The following TMEM178B variants were observed in gnomAD, a reference collection of about 807,000 sequenced individuals.
The protein encoded by TMEM178B is transmembrane protein 178B.
A neutral mutation model predicts 31.0 loss-of-function variants in TMEM178B; 5 were observed. The observed-to-expected ratio is 0.16, with a 90% CI of 0.08 to 0.34. The LOEUF (loss-of-function observed/expected upper bound fraction) is 0.34, where lower values mean the gene tolerates loss of function less well. Ranked by LOEUF, TMEM178B falls within the 10% of genes least tolerant of loss-of-function variation. The pLI is 1.00. For synonymous variants in TMEM178B, 164 were observed against 164.0 expected (o/e 1.00, Z 0.00); for missense variants, 275 against 400.3 (o/e 0.69, Z 2.67).
chr7:141,392,728 G>T (rs1308111910), intron 2 of TMEM178B, among the ~76,000 whole-genome samples: 2 of 151,880 alleles, frequency 1.3e-5, no homozygotes, highest in African/African-American at 4.8e-5. Flanking sequence ...GTAGCTAAAA[G>T]GGAGTCTCTG....
At chr7:141,108,077 G>A (rs1795174097) in intron 1 of TMEM178B, among the ~76,000 whole-genome samples, 1 of 152,178 alleles carries the variant, frequency 6.6e-6, no homozygotes, top group Non-Finnish European at 1.5e-5. Context: ...GAGGTTATTG[G>A]TAGTATTAGC....
rs961158199 is a variant in TMEM178B at position 141,477,364 on chromosome 7, G to A, written c.*6578G>A. ...AGTTTTCTGAGGACTTCTGTGGACGGCCCTAAAATCCTGAGTTAGGGTGGG... is the reference window on the plus strand; with the variant it reads ...AGTTTTCTGAGGACTTCTGTGGACGACCCTAAAATCCTGAGTTAGGGTGGG... On this transcript the variant is annotated 3_prime_UTR_variant, in exon 4 of 4. Transcript: ENST00000565468. 2 of 153,764 alleles carry A rather than the reference G, an allele frequency of 1.3e-5. No homozygotes were observed. The highest frequency in any genetic ancestry group is 4.8e-5 in the African/African-American group (2 of 41,478). The allele number at this position is 153,764 out of a possible 1,614,324, so 9.5% of individuals were successfully genotyped here.
chr7:141,330,473 G>A (rs1799279651), intron 2 of TMEM178B, among the ~76,000 whole-genome samples: 1 of 152,142 alleles, frequency 6.6e-6, no homozygotes, highest in Non-Finnish European at 1.5e-5. Context: ...TTTTATGGCT[G>A]TATAGTATTC....
intron 1 of TMEM178B, among the ~76,000 whole-genome samples, chr7:141,194,039 A>G (rs554239811): frequency 2.2e-4 from 34 of 152,284 alleles, no homozygotes; most frequent in African/African-American, 7.9e-4. Flanking sequence ...CATGGGAAAG[A>G]CCAGACCCCA....
intron 1 of TMEM178B, among the ~76,000 whole-genome samples, chr7:141,205,396 C>T (rs1015453209): frequency 5.9e-5 from 9 of 152,204 alleles, no homozygotes; most frequent in Admixed American, 2.6e-4. Context: ...AATTCTTCCT[C>T]GGCCACCCTG....
At chr7:141,277,523 G>T (rs1798284965) in intron 2 of TMEM178B, among the ~76,000 whole-genome samples, 1 of 152,092 alleles carries the variant, frequency 6.6e-6, no homozygotes, top group African/African-American at 2.4e-5. Flanking sequence ...CCTGCCTGAG[G>T]CTCTTTTACA....
At chr7:141,193,130 G>A (rs1180603790) in intron 1 of TMEM178B, among the ~76,000 whole-genome samples, 3 of 152,104 alleles carry the variant, frequency 2.0e-5, no homozygotes, top group African/African-American at 7.2e-5. Context: ...TGAGGCGGTG[G>A]CCCTAGCATC....
chr7:141,444,820 G>T (rs1281992188), intron 3 of TMEM178B, among the ~76,000 whole-genome samples: 1 of 151,886 alleles, frequency 6.6e-6, no homozygotes, highest in African/African-American at 2.4e-5. Context: ...GATCTCCCAT[G>T]TTCAACCCCG....
chr7:141,470,187 A>C (rs904899421), intron 3 of TMEM178B, among the ~76,000 whole-genome samples: 2 of 152,206 alleles, frequency 1.3e-5, no homozygotes, highest in Admixed American at 1.3e-4. Flanking sequence ...AATGAATTTA[A>C]AATGCTTTAG....
intron 2 of TMEM178B, among the ~76,000 whole-genome samples, chr7:141,262,473 TAA>T (rs1491210605): frequency 1.8e-4 from 9 of 51,348 alleles, no homozygotes; most frequent in Non-Finnish European, 3.4e-4. Context: ...TAAATACATA[TAA>T]TATATATATA....
chr7:141,435,390 G>A (rs981814889), intron 2 of TMEM178B, among the ~76,000 whole-genome samples: 4 of 152,186 alleles, frequency 2.6e-5, no homozygotes, highest in Non-Finnish European at 5.9e-5. Context: ...GAAGATGATG[G>A]GGAGTAGAAG....
At chr7:141,510,703 A>AAG in the TMEM178B span, among the ~76,000 whole-genome samples, 1 of 143,172 alleles carries the variant, frequency 7.0e-6, no homozygotes, top group African/African-American at 2.8e-5. Flanking sequence ...AAAAAAAAAA[A>AAG]AAAAAAAAAG....
intron 2 of TMEM178B, among the ~76,000 whole-genome samples, chr7:141,366,908 A>G (rs1800015668): frequency 6.6e-6 from 1 of 152,064 alleles, no homozygotes; most frequent in South Asian, 2.1e-4. Flanking sequence ...AATCTGTTTT[A>G]TGGACCTGAA....
intron 1 of TMEM178B, among the ~76,000 whole-genome samples, chr7:141,149,414 G>A (rs1795917567): frequency 6.6e-6 from 1 of 152,128 alleles, no homozygotes; most frequent in African/African-American, 2.4e-5. Context: ...GGAGCATGGT[G>A]GTGTACGCTT....
intron 2 of TMEM178B, chr7:141,352,022 C>G (rs1437853091): frequency 6.6e-6 from 1 of 152,468 alleles, no homozygotes; most frequent in African/African-American, 2.4e-5. Context: ...GTCCCCATGC[C>G]CTCGCTGCAG....
At chr7:141,343,793 C>A (rs1361429920) in intron 2 of TMEM178B, among the ~76,000 whole-genome samples, 1 of 152,112 alleles carries the variant, frequency 6.6e-6, no homozygotes, top group Non-Finnish European at 1.5e-5. Context: ...TCAGGATCCA[C>A]CCACCTCGGC....
At chr7:141,153,124 C>G (rs1461197092) in intron 1 of TMEM178B, among the ~76,000 whole-genome samples, 1 of 152,106 alleles carries the variant, frequency 6.6e-6, no homozygotes, top group East Asian at 1.9e-4. Flanking sequence ...CATAAAAAAG[C>G]CAGATTGTCT....
chr7:141,343,101 G>A (rs561888188), intron 2 of TMEM178B, among the ~76,000 whole-genome samples: 1 of 152,294 alleles, frequency 6.6e-6, no homozygotes, highest in African/African-American at 2.4e-5. Context: ...TCTCTAATGA[G>A]CTCCCAAGCG....
At chr7:141,401,583 T>C (rs1007572200) in intron 2 of TMEM178B, among the ~76,000 whole-genome samples, 7 of 150,716 alleles carry the variant, frequency 4.6e-5, no homozygotes, top group Non-Finnish European at 1.0e-4. Context: ...ACCCAGCTAT[T>C]TTTTTATTTT....
Sources: gnomAD v4.1 joint callset for allele counts (sites outside exome capture counted in the v4.1 genomes callset) on GRCh38, gnomAD v4.1.1 for gene constraint, MANE v1.5 for transcripts, NCBI Gene and HGNC (gene_info 2026-07-23, HGNC 2026-07-21) for gene names.